The following STPG2 variants were observed in gnomAD, a reference collection of about 807,000 sequenced individuals.
The protein encoded by STPG2 is sperm tail PG-rich repeat containing 2, also known as sperm-tail PG-rich repeat-containing protein 2.
In STPG2, 56 loss-of-function variants were observed where a neutral mutation model predicts 54.2. That is an observed-to-expected ratio of 1.03 (90% CI 0.83 to 1.29). STPG2 has a LOEUF of 1.29. Ranked by LOEUF, STPG2 falls within the 50% of genes most tolerant of loss-of-function variation. The pLI, the probability that STPG2 is intolerant of heterozygous loss-of-function variation, is 0.00. For missense variants in STPG2, 596 were observed against 544.9 expected (o/e 1.09, Z -0.93); for synonymous variants, 200 against 181.8 (o/e 1.10, Z -0.81).
intron 7 of STPG2, among the ~76,000 whole-genome samples, chr4:97,955,750 C>G (rs1000125215): frequency 6.6e-6 from 1 of 151,952 alleles, no homozygotes; most frequent in Non-Finnish European, 1.5e-5. Flanking sequence ...GGTTAAAAAC[C>G]AAAGACAATA....
intron 4 of STPG2, among the ~76,000 whole-genome samples, chr4:97,474,912 A>T (rs1163570337): frequency 1.3e-5 from 2 of 152,068 alleles, no homozygotes. Flanking sequence ...ATATGGCATT[A>T]TGTAGTATAT....
intron 5 of STPG2, among the ~76,000 whole-genome samples, chr4:98,028,922 C>T: frequency 6.6e-6 from 1 of 151,936 alleles, no homozygotes; most frequent in East Asian, 1.9e-4. Flanking sequence ...TCTGATTTTC[C>T]TCATAATTTC....
At chr4:97,481,893 G>A (rs1461255826) in intron 4 of STPG2, among the ~76,000 whole-genome samples, 2 of 151,546 alleles carry the variant, frequency 1.3e-5, no homozygotes, top group Non-Finnish European at 3.0e-5. Flanking sequence ...TAGGAGATGT[G>A]AACACAGCCA....
chr4:97,853,062 T>C (rs1165132668), intron 8 of STPG2, among the ~76,000 whole-genome samples: 7 of 137,170 alleles, frequency 5.1e-5, no homozygotes, highest in Non-Finnish European at 1.5e-5. Context: ...CTGCAAGCTC[T>C]GCCTCCCGGG....
At chr4:98,007,496 G>C (rs1395406895) in intron 5 of STPG2, among the ~76,000 whole-genome samples, 1 of 152,144 alleles carries the variant, frequency 6.6e-6, no homozygotes, top group Non-Finnish European at 1.5e-5. Flanking sequence ...AAAATAAGAA[G>C]TGACTGCTTC....
chr4:97,966,862 C>T (rs1184631352), intron 7 of STPG2, among the ~76,000 whole-genome samples: 1 of 152,134 alleles, frequency 6.6e-6, no homozygotes, highest in African/African-American at 2.4e-5. Context: ...GAAGGAAGCA[C>T]TAACCATGGA....
chr4:97,495,673 T>C (rs1009281646), intron 4 of STPG2, among the ~76,000 whole-genome samples: 2 of 145,692 alleles, frequency 1.4e-5, no homozygotes, highest in African/African-American at 5.1e-5. Context: ...TTGCCAAATA[T>C]TATAATTTTA....
chr4:97,837,352 C>G (rs1333724904), intron 9 of STPG2, among the ~76,000 whole-genome samples: 1 of 151,594 alleles, frequency 6.6e-6, no homozygotes, highest in Non-Finnish European at 1.5e-5. Flanking sequence ...CTCAATTTTC[C>G]ACACTCTCAA....
At chr4:97,788,617 T>TTTC (rs1726896694) in intron 9 of STPG2, among the ~76,000 whole-genome samples, 1 of 152,134 alleles carries the variant, frequency 6.6e-6, no homozygotes, top group African/African-American at 2.4e-5. Flanking sequence ...GATCATATAG[T>TTTC]AGTTCTATTT....
intron 6 of STPG2, among the ~76,000 whole-genome samples, chr4:97,975,685 T>C (rs1560618565): frequency 6.6e-6 from 1 of 152,184 alleles, no homozygotes; most frequent in Non-Finnish European, 1.5e-5. Context: ...ACTCATGTTA[T>C]CTGCATTCTA....
At chr4:97,569,282 T>C (rs1005108982) in intron 10 of STPG2, among the ~76,000 whole-genome samples, 1 of 152,180 alleles carries the variant, frequency 6.6e-6, no homozygotes, top group Non-Finnish European at 1.5e-5. Context: ...GAGTGTGTTT[T>C]AGCATACCAA....
At chr4:97,625,069 G>A (rs533966495) in intron 10 of STPG2, among the ~76,000 whole-genome samples, 6 of 152,294 alleles carry the variant, frequency 3.9e-5, no homozygotes, top group Middle Eastern at 3.4e-3. Context: ...TGGAAAGAAC[G>A]TGGATCTTGG....
At chr4:97,462,615 T>G (rs1001512759) in intron 4 of STPG2, among the ~76,000 whole-genome samples, 9 of 152,074 alleles carry the variant, frequency 5.9e-5, no homozygotes, top group Non-Finnish European at 2.9e-5. Context: ...GGAGGTCTTG[T>G]GCATCTTTTG....
At position 97,833,487 on chromosome 4, in the gene STPG2, A is replaced by G. The variant is rs955005833; in HGVS notation, c.1204+7286T>C. On this transcript the variant is annotated intron_variant, in intron 9 of 10. Coordinates refer to ENST00000295268, the MANE Select transcript of STPG2 (RefSeq NM_174952.3). The stretch of plus-strand genomic sequence containing the variant: ...TAAAACACCAAAAGCAATGGCAACA[A>G]AAGCCAGAATTGACAAATGGGATCT... Among the ~76,000 whole-genome samples the G allele has an allele frequency of 1.1e-4, 17 of 152,314 alleles. No homozygotes were observed. The East Asian group carries it at 3.3e-3, about 29-fold the overall frequency.
At chr4:97,586,063 T>C (rs934388745) in intron 10 of STPG2, among the ~76,000 whole-genome samples, 1 of 151,938 alleles carries the variant, frequency 6.6e-6, no homozygotes, top group Admixed American at 6.6e-5. Flanking sequence ...AGACCCATCA[T>C]AAAATGATTC....
rs114512628 is a variant in STPG2 at position 97,944,480 on chromosome 4, T to C, written c.934-473A>G. Among the ~76,000 whole-genome samples, 715 of 152,170 alleles carry C rather than the reference T, an allele frequency of 4.7e-3. 6 individuals are homozygous for C. The highest frequency in any genetic ancestry group is 0.016 in the African/African-American group (684 of 41,550). ...TAAATATCATAATTCTTTATATGCATTGAAGATTTAAATTAATAGGCTAGA... is the reference window on the plus strand; with the variant it reads ...TAAATATCATAATTCTTTATATGCACTGAAGATTTAAATTAATAGGCTAGA... On this transcript the variant is annotated intron_variant, in intron 7 of 10. Transcript: ENST00000295268.
chr4:97,730,704 G>A (rs914592690), intron 9 of STPG2, among the ~76,000 whole-genome samples: 1 of 152,130 alleles, frequency 6.6e-6, no homozygotes, highest in African/African-American at 2.4e-5. Context: ...GTTCTGAAAG[G>A]TTTTGTTCAT....
At chr4:97,673,929 T>A (rs12503645) in intron 10 of STPG2, among the ~76,000 whole-genome samples, 81,732 of 152,050 alleles carry the variant, frequency 0.54, 22,652 homozygotes, top group South Asian at 0.67. Flanking sequence ...ACCATAAATT[T>A]AAAATGTCAA....
chr4:97,900,732 T>C (rs376949533), intron 8 of STPG2, among the ~76,000 whole-genome samples: 2 of 152,012 alleles, frequency 1.3e-5, no homozygotes, highest in Non-Finnish European at 2.9e-5. Flanking sequence ...TGAGAACTTA[T>C]GAACACAAAG....
Sources: gnomAD v4.1 joint callset for allele counts (sites outside exome capture counted in the v4.1 genomes callset) on GRCh38, gnomAD v4.1.1 for gene constraint, MANE v1.5 for transcripts, NCBI Gene and HGNC (gene_info 2026-07-23, HGNC 2026-07-21) for gene names.